The following PRKCQ variants were observed in gnomAD, a reference collection of about 807,000 sequenced individuals.
The protein encoded by PRKCQ is protein kinase C theta type.
In PRKCQ, 41 loss-of-function variants were observed where a neutral mutation model predicts 91.2. That is an observed-to-expected ratio of 0.45 (90% CI 0.35 to 0.58). PRKCQ has a LOEUF of 0.58. Among genes scored for constraint, PRKCQ ranks in the 20% least tolerant of loss-of-function variants. PRKCQ has a pLI of 0.00. For synonymous variants in PRKCQ, 307 were observed against 316.9 expected (o/e 0.97, Z 0.33); for missense variants, 673 against 896.5 (o/e 0.75, Z 3.18).
intron 16 of PRKCQ, among the ~76,000 whole-genome samples, chr10:6,436,697 C>T (rs1457700043): frequency 2.6e-5 from 4 of 152,138 alleles, no homozygotes; most frequent in African/African-American, 9.7e-5. Context: ...TGGCTTTTTG[C>T]ACTCAGCATA....
At chr10:6,423,415 A>G (rs7069322), downstream of PRKCQ, among the ~76,000 whole-genome samples, 13,106 of 152,252 alleles carry the variant, frequency 0.086, 772 homozygotes, top group Middle Eastern at 0.19. Flanking sequence ...CTGACCCTCC[A>G]GGAGACTGAG....
chr10:6,470,197 T>G (rs1207626146), intron 12 of PRKCQ, among the ~76,000 whole-genome samples: 1 of 152,194 alleles, frequency 6.6e-6, no homozygotes, highest in Non-Finnish European at 1.5e-5. Flanking sequence ...TGATCCTTTC[T>G]CTCTTGAAAT....
chr10:6,433,918 C>G (rs1004724389), intron 16 of PRKCQ, among the ~76,000 whole-genome samples: 4 of 150,986 alleles, frequency 2.6e-5, no homozygotes, highest in African/African-American at 9.8e-5. Context: ...GTAACCCCAG[C>G]TATGCGGGAG....
chr10:6,520,396 C>A (rs1006047920), intron 1 of PRKCQ, among the ~76,000 whole-genome samples: 1 of 152,176 alleles, frequency 6.6e-6, no homozygotes, highest in African/African-American at 2.4e-5. Flanking sequence ...AGCTTCTTAC[C>A]CTGCCTCCTC....
chr10:6,552,713 T>C (rs1399777737), intron 1 of PRKCQ, among the ~76,000 whole-genome samples: 1 of 152,156 alleles, frequency 6.6e-6, no homozygotes, highest in Non-Finnish European at 1.5e-5. Context: ...GTGATCCTCC[T>C]GCCTTGGCCT....
the PRKCQ span, among the ~76,000 whole-genome samples, chr10:6,404,431 T>C: frequency 9.2e-6 from 1 of 109,210 alleles, no homozygotes; most frequent in Non-Finnish European, 2.3e-5. Context: ...TCTCTTTCTT[T>C]CTCTCTTTCT....
chr10:6,521,616 T>G (rs1452195990), intron 1 of PRKCQ, among the ~76,000 whole-genome samples: 1 of 152,254 alleles, frequency 6.6e-6, no homozygotes, highest in East Asian at 1.9e-4. Context: ...TATTTTCTAA[T>G]GGGCCTTCTC....
intron 13 of PRKCQ, 126 bp from the exon 14 acceptor site, chr10:6,462,491 T>TA: frequency 1.3e-6 from 1 of 748,322 alleles, no homozygotes; most frequent in Non-Finnish European, 2.2e-6. Flanking sequence ...TAACTCTGTT[T>TA]AATCCTAACA....
At position 6,497,143 on chromosome 10, in the gene PRKCQ, A is replaced by G. The variant is rs748488809; in HGVS notation, c.575-23T>C. 6 of 1,613,858 alleles carry G rather than the reference A, an allele frequency of 3.7e-6. No individual in the cohort carries two copies. The Admixed American group carries it at 6.7e-5, about 18-fold the overall frequency. On this transcript the variant is annotated intron_variant, in intron 6 of 17. Coordinates refer to ENST00000263125, the MANE Select transcript of PRKCQ (RefSeq NM_006257.5). The surrounding 1 kb of genome is among the most constrained non-coding windows in gnomAD (Gnocchi z 4.5). ...ATTCTGAAAAGAAGAAAAAAATCAC[A>G]GCTTAAGATTTTCATAGCCTAAGGA...
chr10:6,515,649 T>C, intron 1 of PRKCQ: 2 of 352,938 alleles, frequency 5.7e-6, no homozygotes, highest in Non-Finnish European at 7.9e-6. Context: ...AGCTGATCCT[T>C]ATTTACTCTG....
chr10:6,415,465 C>G, the PRKCQ span, among the ~76,000 whole-genome samples: 1 of 128,248 alleles, frequency 7.8e-6, no homozygotes, highest in Non-Finnish European at 1.6e-5. Flanking sequence ...TACACTTACT[C>G]AAAATTTACA....
At chr10:6,433,388 A>G (rs1833514603) in intron 16 of PRKCQ, among the ~76,000 whole-genome samples, 1 of 152,198 alleles carries the variant, frequency 6.6e-6, no homozygotes, top group South Asian at 2.1e-4. Flanking sequence ...GCCGGGCACC[A>G]TTGACATATC....
In PRKCQ at chr10:6,486,109, TTGTC is replaced by T. The variant is rs1476148742; in HGVS notation, c.822_825del (p.Thr275ArgfsTer8). ...TTTATGCCACAAAGGTTGGCCACCT[TTGTC>T]TGGCATCTATGATGCACATTCATGC... On this transcript the variant is annotated frameshift_variant, in exon 9 of 18. Coordinates refer to ENST00000263125, the MANE Select transcript of PRKCQ (RefSeq NM_006257.5). LOFTEE classifies it high-confidence loss of function. 1.9e-6 allele frequency: 3 copies of T among 1,614,052 alleles called. No homozygotes were observed. In the African/African-American group the frequency reaches 4.0e-5, roughly 22 times the overall value.
At chr10:6,502,766 A>G (rs910498168) in intron 4 of PRKCQ, among the ~76,000 whole-genome samples, 1 of 152,244 alleles carries the variant, frequency 6.6e-6, no homozygotes, top group African/African-American at 2.4e-5. Flanking sequence ...AAGTTGAAAG[A>G]AAAGGAGGCT....
chr10:6,463,918 C>T (rs1297194809), intron 13 of PRKCQ, among the ~76,000 whole-genome samples: 1 of 152,166 alleles, frequency 6.6e-6, no homozygotes, highest in Non-Finnish European at 1.5e-5. Context: ...TCTTCCTGCT[C>T]CCTAAAGCTT....
the PRKCQ span, among the ~76,000 whole-genome samples, chr10:6,394,916 G>C: frequency 2.0e-5 from 3 of 152,118 alleles, no homozygotes; most frequent in Non-Finnish European, 1.5e-5. Context: ...GTGCCGGAAC[G>C]GTGCGACCTT....
chr10:6,413,832 C>A, the PRKCQ span, among the ~76,000 whole-genome samples: 2 of 152,264 alleles, frequency 1.3e-5, no homozygotes, highest in Non-Finnish European at 2.9e-5. Context: ...CGTGCACACA[C>A]ACACACACTA....
At chr10:6,407,581 T>C in the PRKCQ span, among the ~76,000 whole-genome samples, 1 of 151,628 alleles carries the variant, frequency 6.6e-6, no homozygotes, top group African/African-American at 2.4e-5. The surrounding 1 kb of genome is among the most constrained non-coding windows in gnomAD (Gnocchi z 4.0). Flanking sequence ...GAATGTGTGA[T>C]TGTGTGTGGT....
intron 3 of PRKCQ, among the ~76,000 whole-genome samples, chr10:6,508,965 A>T (rs1346829727): frequency 6.6e-6 from 1 of 152,236 alleles, no homozygotes; most frequent in East Asian, 1.9e-4. Flanking sequence ...TTTTCTTTAG[A>T]GAAATTAGTG....
Sources: allele counts gnomAD v4.1 joint callset (sites outside exome capture counted in the v4.1 genomes callset), GRCh38; gene constraint gnomAD v4.1.1; non-coding constraint Gnocchi (gnomAD v3.1); transcripts MANE v1.5; gene names NCBI Gene and HGNC (gene_info 2026-07-23, HGNC 2026-07-21).